Variants in BNIPL observed in about 807,000 individuals in gnomAD.
BNIPL encodes the protein bcl-2/adenovirus E1B 19 kDa-interacting protein 2-like protein.
In BNIPL, 33 loss-of-function variants were observed where a neutral mutation model predicts 47.0. The observed-to-expected ratio is 0.70, with a 90% confidence interval of 0.53 to 0.94. The LOEUF (loss-of-function observed/expected upper bound fraction) is 0.94, where lower values mean the gene tolerates loss of function less well. Ranked by LOEUF, BNIPL falls within the 40% of genes least tolerant of loss-of-function variation. BNIPL has a pLI of 0.00. For synonymous variants in BNIPL, 145 were observed against 162.7 expected (o/e 0.89, Z 0.83); for missense variants, 404 against 445.2 (o/e 0.91, Z 0.83).
intron 9 of BNIPL, 88 bp downstream of exon 9, chr1:151,046,253 G>T: frequency 6.5e-7 from 1 of 1,530,546 alleles, no homozygotes. Flanking sequence ...ACATACAAAA[G>T]AACGAAAAGC....
At chr1:151,038,000 CAAAAAAAAAAAAAAAA>C (rs58423611) in intron 2 of BNIPL, among the ~76,000 whole-genome samples, 1 of 63,970 alleles carries the variant, frequency 1.6e-5, no homozygotes, top group African/African-American at 9.4e-5. Context: ...AACTCTGTCT[CAAAAAAAAAAAAAAAA>C]AAAAAAAAAA....
intron 4 of BNIPL, among the ~76,000 whole-genome samples, chr1:151,041,693 GCTGGGCACGGTGGCTCATGC>G (rs779093459): frequency 1.3e-5 from 2 of 152,208 alleles, no homozygotes; most frequent in Non-Finnish European, 2.9e-5. Flanking sequence ...AGGAAATATG[GCTGGGCACGGTGGCTCATGC>G]CTGTAATCCT....
intron 7 of BNIPL, among the ~76,000 whole-genome samples, chr1:151,045,342 C>T (rs1179326871): frequency 1.4e-5 from 2 of 144,810 alleles, no homozygotes; most frequent in Non-Finnish European, 3.0e-5. Flanking sequence ...GAGGCCGAGG[C>T]GGGCAGATCA....
At chr1:151,041,421 A>G (rs1305521368) in intron 4 of BNIPL, among the ~76,000 whole-genome samples, 2 of 152,120 alleles carry the variant, frequency 1.3e-5, no homozygotes, top group African/African-American at 4.8e-5. Context: ...TAGAGAAGAA[A>G]GAGTTTCACA....
chr1:151,043,404 A>C lies in BNIPL; in HGVS notation c.689A>C (p.Asn230Thr), dbSNP rs760345440. The change falls in exon 6 of 10, where the codon AAC (asparagine) becomes ACC (threonine). Residue 230 changes from asparagine (N) to threonine (T), a missense_variant. Physicochemically the swap from Asn to Thr is moderately conservative, Grantham distance 65. Coordinates refer to ENST00000368931, the MANE Select transcript of BNIPL (RefSeq NM_138278.4). ...SCYLPRSSIP[N>T]YTYVMEHLFR... is the part of the protein sequence containing the mutation. Reference sequence around the variant, plus strand: ...TATCTACCCAGAAGCAGCATCCCCAACTACACCTATGTCATGGAACACTTG... The same window carrying C: ...TATCTACCCAGAAGCAGCATCCCCACCTACACCTATGTCATGGAACACTTG... 1 of 1,608,748 alleles carries C rather than the reference A, an allele frequency of 6.2e-7. No individual in the cohort carries two copies. The highest frequency in any genetic ancestry group is 8.5e-7 in the Non-Finnish European group (1 of 1,175,174).
chr1:151,047,582 T>G lies in BNIPL; in HGVS notation c.*895T>G. The stretch of plus-strand genomic sequence containing the variant: ...GAGGCTAATAAACTGCGATGAGACA[T>G]TTAAGCTCTGCTCCAAAGAAGTGAA... On this transcript the variant is annotated 3_prime_UTR_variant, in exon 10 of 10. Coordinates refer to ENST00000368931, the MANE Select transcript of BNIPL (RefSeq NM_138278.4). The G allele has an allele frequency of 3.9e-6, 2 of 516,338 alleles. No individual in the cohort carries two copies. The highest frequency in any genetic ancestry group is 3.3e-6 in the Non-Finnish European group (1 of 299,314). The allele number at this position is 516,338 out of a possible 1,614,324, so 32.0% of individuals were successfully genotyped here. A position where few individuals can be genotyped will look rare whatever the true frequency, so the allele number is the denominator to read the frequency against.
At position 151,046,866 on chromosome 1, in the gene BNIPL, G is replaced by A; in HGVS notation, c.*179G>A. The A allele has an allele frequency of 2.0e-6, 1 of 499,578 alleles. No homozygotes were observed. The allele number at this position is 499,578 out of a possible 1,614,324, so 30.9% of individuals were successfully genotyped here. Reference sequence around the variant, plus strand: ...TACTTTCAGCAGGGCTTTGAGGCTGGGAAACTGATCTGCTGGGTGACTTTC... The same window carrying A: ...TACTTTCAGCAGGGCTTTGAGGCTGAGAAACTGATCTGCTGGGTGACTTTC... On this transcript the variant is annotated 3_prime_UTR_variant, in exon 10 of 10. Coordinates refer to ENST00000368931, the MANE Select transcript of BNIPL (RefSeq NM_138278.4).
intron 4 of BNIPL, among the ~76,000 whole-genome samples, chr1:151,042,356 A>G (rs1196676689): frequency 2.0e-5 from 3 of 152,106 alleles, no homozygotes; most frequent in Non-Finnish European, 4.4e-5. Flanking sequence ...GCTTCAAGCA[A>G]TCTTCCTGCC....
intron 4 of BNIPL, among the ~76,000 whole-genome samples, chr1:151,039,837 G>A (rs587669193): frequency 2.6e-4 from 40 of 152,268 alleles, no homozygotes; most frequent in Middle Eastern, 3.4e-3. Context: ...TGCAACGTCT[G>A]CTTCCTGGGT....
Position 151,043,579 on chromosome 1 carries a change from C to A in BNIPL, c.720-17C>A. The A allele has an allele frequency of 6.2e-7, 1 of 1,606,090 alleles. No homozygotes were observed. On this transcript the variant is annotated splice_polypyrimidine_tract_variant and intron_variant, in intron 6 of 9. Transcript: ENST00000368931. ...AAGCCCCTAACACATACCTTCCCTG[C>A]AATTTCATCCCCCCAGGTATATGGT...
chr1:151,045,706 TGAAG>T (rs1675995328), intron 7 of BNIPL, 87 bp from the exon 8 acceptor site: 1 of 1,591,616 alleles, frequency 6.3e-7, no homozygotes, highest in East Asian at 2.2e-5. Context: ...GAGAAGTGAA[TGAAG>T]GAAGTTACAG....
intron 2 of BNIPL, 84 bp from the exon 3 acceptor site, chr1:151,038,419 GT>G (rs1675703905): frequency 6.1e-6 from 6 of 982,632 alleles, no homozygotes; most frequent in Non-Finnish European, 9.6e-6. Flanking sequence ...TAAAATCATG[GT>G]GGGGAGAGAG....
At position 151,047,524 on chromosome 1, in the gene BNIPL, A is replaced by G. The variant is rs1293789565; in HGVS notation, c.*837A>G. On this transcript the variant is annotated 3_prime_UTR_variant, in exon 10 of 10. Transcript: ENST00000368931. ...GGGAAGGAGTGCTTTCAAAACCTGT[A>G]TTTTTGCCCTCTTTAGTAAATTTAG... 6.4e-6 allele frequency: 2 copies of G among 311,648 alleles called. No homozygotes were observed. Among genetic ancestry groups the G allele is most frequent in the Admixed American group, 9.0e-5 (2 of 22,104 alleles). 19.3% of individuals were successfully genotyped at this position (311,648 alleles called of 1,614,324 possible). A position where few individuals can be genotyped will look rare whatever the true frequency, so the allele number is the denominator to read the frequency against.
Position 151,047,695 on chromosome 1 carries a change from C to T in BNIPL, c.*1008C>T. 1 of 1,330,976 alleles carries T rather than the reference C, an allele frequency of 7.5e-7. No homozygotes were observed. Among genetic ancestry groups the T allele is most frequent in the Non-Finnish European group, 9.8e-7 (1 of 1,017,860 alleles). 82.4% of individuals were successfully genotyped at this position (1,330,976 alleles called of 1,614,324 possible). On this transcript the variant is annotated 3_prime_UTR_variant, in exon 10 of 10. Coordinates refer to ENST00000368931, the MANE Select transcript of BNIPL (RefSeq NM_138278.4). ...GTTCCTTAGGAGCACCCCGCGCGGC[C>T]CGCGCGAGCGCGCCTGCGCGTCGAA...
At position 151,046,636 on chromosome 1, in the gene BNIPL, C is replaced by G. The variant is rs756433087; in HGVS notation, c.1038-15C>G. 21 of 1,597,976 alleles carry G rather than the reference C, an allele frequency of 1.3e-5. No homozygotes were observed. The highest frequency in any genetic ancestry group is 1.7e-5 in the Non-Finnish European group (20 of 1,169,672). ...CCCCTGAACCACTTCTCTCCTCCCC[C>G]TCTCCCTCTCCTAGGCTGGACCGGG... On this transcript the variant is annotated splice_polypyrimidine_tract_variant and intron_variant, in intron 9 of 9. Coordinates refer to ENST00000368931, the MANE Select transcript of BNIPL (RefSeq NM_138278.4).
intron 4 of BNIPL, among the ~76,000 whole-genome samples, 175 bp downstream of exon 4, chr1:151,039,201 A>AGGGG (rs1675737232): frequency 6.6e-6 from 1 of 152,178 alleles, no homozygotes; most frequent in Non-Finnish European, 1.5e-5. Context: ...GAGAGTAGTC[A>AGGGG]GTAGAGGGGG....
intron 4 of BNIPL, among the ~76,000 whole-genome samples, chr1:151,040,719 G>A (rs1314993678): frequency 1.3e-5 from 2 of 150,278 alleles, no homozygotes; most frequent in South Asian, 2.1e-4. Flanking sequence ...CGCTTGAACC[G>A]GTGAGGTGGA....
At chr1:151,044,863 G>C (rs1411044481) in intron 7 of BNIPL, 2 of 1,288,378 alleles carry the variant, frequency 1.6e-6, no homozygotes, top group East Asian at 1.1e-4. Flanking sequence ...CGTCCTTGCT[G>C]GTCTTCTTCC....
intron 4 of BNIPL, among the ~76,000 whole-genome samples, chr1:151,039,449 G>C (rs1286273954): frequency 2.6e-5 from 4 of 152,174 alleles, no homozygotes; most frequent in Non-Finnish European, 4.4e-5. Flanking sequence ...GTTAGGAAAG[G>C]CTTCATGAAG....
Sources: gnomAD v4.1 joint callset for allele counts (sites outside exome capture counted in the v4.1 genomes callset) on GRCh38, gnomAD v4.1.1 for gene constraint, MANE v1.5 for transcripts, NCBI Gene and HGNC (gene_info 2026-07-23, HGNC 2026-07-21) for gene names.